Variants in PIH1D2 observed in about 807,000 individuals in gnomAD.
The protein encoded by PIH1D2 is PIH1 domain containing 2, also known as PIH1 domain-containing protein 2.
A neutral mutation model predicts 31.2 loss-of-function variants in PIH1D2; 25 were observed. The ratio of observed to expected loss-of-function variants is 0.80; its 90% CI spans 0.58 to 1.12. The LOEUF is 1.12. Among genes scored for constraint, PIH1D2 ranks in the 50% most tolerant of loss-of-function variants. The probability of loss-of-function intolerance (pLI) is 0.00; values close to 1 mark genes in which losing one functional copy is unlikely to be tolerated. For missense variants in PIH1D2, 310 were observed against 356.6 expected (o/e 0.87, Z 1.05); for synonymous variants, 116 against 119.9 (o/e 0.97, Z 0.21).
rs1323744602 is a variant in PIH1D2, at chr11:112,071,855, G to A, written c.178-97C>T. 4 of 1,347,726 alleles carry A rather than the reference G, an allele frequency of 3.0e-6. No homozygotes were observed. In the African/African-American group the frequency reaches 4.4e-5, roughly 15 times the overall value. The allele number at this position is 1,347,726 out of a possible 1,614,324, so 83.5% of individuals were successfully genotyped here. A position where few individuals can be genotyped will look rare whatever the true frequency, so the allele number is the denominator to read the frequency against. On this transcript the variant is annotated intron_variant, in intron 2 of 5. Transcript: ENST00000280350. ...CGCCTGTAATCCGAGCACTTTGGGG[G>A]TCCAAGGCGGCCGGATCACCTGAGG...
At chr11:112,061,200 C>G, downstream of PIH1D2, 1 of 1,613,446 alleles carries the variant, frequency 6.2e-7, no homozygotes, top group Non-Finnish European at 8.5e-7. Flanking sequence ...GAGGGGAAGT[C>G]GTAAGCTAAT....
At chr11:112,056,118 G>C in the PIH1D2 span, among the ~76,000 whole-genome samples, 1 of 151,520 alleles carries the variant, frequency 6.6e-6, no homozygotes, top group East Asian at 1.9e-4. Flanking sequence ...TGCCTGCCTC[G>C]GCCTCCCAAA....
At chr11:112,070,043 C>G in intron 5 of PIH1D2, 1 of 286,860 alleles carries the variant, frequency 3.5e-6, no homozygotes, top group Non-Finnish European at 6.6e-6. Context: ...GACTGGTAGA[C>G]TGTAGGACTG....
chr11:112,058,833 A>G (rs1555182862), downstream of PIH1D2, among the ~76,000 whole-genome samples: 2 of 152,132 alleles, frequency 1.3e-5, no homozygotes, highest in African/African-American at 2.4e-5. Context: ...TTAGACCTGC[A>G]ACAAGATCTT....
rs146567403 is a variant in PIH1D2, at chr11:112,070,140, C to T, written c.813+296G>A. On this transcript the variant is annotated intron_variant, in intron 5 of 5. Transcript: ENST00000280350. ...TGACTGTGAGAATACACTTCTCAGT[C>T]CTACTGATGTAGAACTGGCCTTGTG... is the stretch of plus-strand genomic sequence containing the variant. 9.1e-3 allele frequency: 5,070 copies of T among 555,306 alleles called. 38 individuals are homozygous for T. Among genetic ancestry groups the T allele is most frequent in the Middle Eastern group, 0.024 (51 of 2,082 alleles). 34.4% of individuals were successfully genotyped at this position (555,306 alleles called of 1,614,324 possible). A position where few individuals can be genotyped will look rare whatever the true frequency, so the allele number is the denominator to read the frequency against.
In PIH1D2 at chr11:112,070,514, C is replaced by T; in HGVS notation, c.735G>A (p.Glu245=). 3 of 1,614,102 alleles carry T rather than the reference C, an allele frequency of 1.9e-6. No individual in the cohort carries two copies. The highest frequency in any genetic ancestry group is 2.2e-5 in the South Asian group (2 of 91,078). The part of the protein sequence containing the change: ...YELKIVHDHS[E]KPLKIELKVE... ...CTTTCAACTCAATTTTCAGAGGTTT[C>T]TCACTGTGATCATGCACAATTTTTA... is the stretch of plus-strand genomic sequence containing the variant. Residue 245 remains glutamate, a synonymous_variant, in exon 5 of 6, where the codon GAG becomes GAA. Coordinates refer to ENST00000280350, the MANE Select transcript of PIH1D2 (RefSeq NM_138789.4).
chr11:112,060,938 C>G (rs782100509), downstream of PIH1D2: 1 of 1,087,760 alleles, frequency 9.2e-7, no homozygotes, highest in Admixed American at 2.1e-5. Context: ...TTCTTAAGAC[C>G]TTGCACCTTT....
chr11:112,055,312 C>T, the PIH1D2 span, among the ~76,000 whole-genome samples: 5 of 138,056 alleles, frequency 3.6e-5, no homozygotes, highest in Non-Finnish European at 7.6e-5. Context: ...GGCGCAATCT[C>T]GGCTCACTGC....
downstream of PIH1D2, chr11:112,061,185 A>G: frequency 6.2e-7 from 1 of 1,614,038 alleles, no homozygotes; most frequent in Non-Finnish European, 8.5e-7. Flanking sequence ...GTAAGTGCCA[A>G]AATGGAGGGG....
At chr11:112,060,524 G>A (rs940008622), downstream of PIH1D2, among the ~76,000 whole-genome samples, 2 of 151,966 alleles carry the variant, frequency 1.3e-5, no homozygotes, top group African/African-American at 4.8e-5. Context: ...GTGCAATCTT[G>A]GCTCACTGCA....
chr11:112,057,995 GA>G, the PIH1D2 span, among the ~76,000 whole-genome samples: 1 of 152,304 alleles, frequency 6.6e-6, no homozygotes, highest in East Asian at 1.9e-4. Context: ...TATGTACTAG[GA>G]GATCAGAAAA....
At chr11:112,073,806 G>A (rs1865230163) in intron 1 of PIH1D2, 174 bp downstream of exon 1, 1 of 152,448 alleles carries the variant, frequency 6.6e-6, no homozygotes, top group East Asian at 1.9e-4. Context: ...TCCCATTGGA[G>A]AGGTGTCCCA....
At chr11:112,057,484 T>A in the PIH1D2 span, among the ~76,000 whole-genome samples, 1 of 152,244 alleles carries the variant, frequency 6.6e-6, no homozygotes, top group Non-Finnish European at 1.5e-5. Flanking sequence ...AGTACTATCC[T>A]GGTGAACACA....
chr11:112,068,982 GTTTTTTTTTTTTTTT>G, intron 5 of PIH1D2, among the ~76,000 whole-genome samples: 1 of 88,432 alleles, frequency 1.1e-5, no homozygotes, highest in Non-Finnish European at 2.1e-5. Context: ...AATTTTTTTT[GTTTTTTTTTTTTTTT>G]GTTTTTTTTT....
At chr11:112,068,362 C>T (rs1865001732) in intron 5 of PIH1D2, among the ~76,000 whole-genome samples, 1 of 152,130 alleles carries the variant, frequency 6.6e-6, no homozygotes, top group Admixed American at 6.5e-5. Flanking sequence ...TACTCTGTGC[C>T]TAGTTGATTT....
intron 5 of PIH1D2, 124 bp downstream of exon 5, chr11:112,070,312 C>T: frequency 8.4e-7 from 1 of 1,193,378 alleles, no homozygotes. Context: ...GGAATTGCTC[C>T]TTCACCGGGT....
At chr11:112,066,009 T>A (rs1956088347), downstream of PIH1D2, among the ~76,000 whole-genome samples, 2 of 151,722 alleles carry the variant, frequency 1.3e-5, no homozygotes, top group South Asian at 4.2e-4. Context: ...AAAAAAAAAA[T>A]TATATTTGCT....
At chr11:112,068,747 G>A (rs890356402) in intron 5 of PIH1D2, among the ~76,000 whole-genome samples, 29 of 152,048 alleles carry the variant, frequency 1.9e-4, no homozygotes, top group Non-Finnish European at 3.8e-4. Context: ...TGGTGCCACT[G>A]CACTCCAGCC....
chr11:112,055,925 T>A, the PIH1D2 span, among the ~76,000 whole-genome samples: 1 of 129,220 alleles, frequency 7.7e-6, no homozygotes, highest in Admixed American at 9.3e-5. Context: ...TGGAGTGCAA[T>A]GGTGCTATCT....
Sources: allele counts gnomAD v4.1 joint callset (sites outside exome capture counted in the v4.1 genomes callset), GRCh38; gene constraint gnomAD v4.1.1; transcripts MANE v1.5; gene names NCBI Gene and HGNC (gene_info 2026-07-23, HGNC 2026-07-21).